Variants in COL25A1 observed in about 807,000 individuals in gnomAD.
COL25A1 encodes the protein collagen type XXV alpha 1 chain, also known as collagen alpha-1(XXV) chain.
In COL25A1, 103 loss-of-function variants were observed where a neutral mutation model predicts 128.4. The ratio of observed to expected loss-of-function variants is 0.80; its 90% CI spans 0.68 to 0.94. COL25A1 has a LOEUF of 0.94. COL25A1 is among the 40% of genes least tolerant of loss of function. The pLI is 0.00. For missense variants in COL25A1, 745 were observed against 840.0 expected (o/e 0.89, Z 1.40); for synonymous variants, 279 against 277.2 (o/e 1.01, Z -0.06).
chr4:109,095,290 A>G (rs1420001850), intron 3 of COL25A1, among the ~76,000 whole-genome samples: 1 of 152,258 alleles, frequency 6.6e-6, no homozygotes, highest in Non-Finnish European at 1.5e-5. Flanking sequence ...TCAGAACACC[A>G]AAGACACTCA....
chr4:109,253,889 C>T (rs1388869461), intron 3 of COL25A1, among the ~76,000 whole-genome samples: 1 of 152,152 alleles, frequency 6.6e-6, no homozygotes, highest in East Asian at 1.9e-4. Context: ...AGATTGAGAC[C>T]ATCCTGGCTA....
chr4:109,022,850 T>C (rs1757897824), intron 5 of COL25A1, among the ~76,000 whole-genome samples: 1 of 152,180 alleles, frequency 6.6e-6, no homozygotes, highest in South Asian at 2.1e-4. Flanking sequence ...AACACTGCTT[T>C]GGGGTGTTAC....
chr4:108,923,631 C>G (rs1745716503), intron 11 of COL25A1, among the ~76,000 whole-genome samples: 1 of 152,184 alleles, frequency 6.6e-6, no homozygotes, highest in East Asian at 1.9e-4. Flanking sequence ...CAAGTGTTAG[C>G]TACTACTCCT....
At chr4:109,023,475 C>T (rs780470729) in intron 5 of COL25A1, among the ~76,000 whole-genome samples, 1 of 152,298 alleles carries the variant, frequency 6.6e-6, no homozygotes, top group Non-Finnish European at 1.5e-5. Context: ...CTTAGGAAAT[C>T]ACTAGAATTG....
intron 6 of COL25A1, among the ~76,000 whole-genome samples, chr4:108,975,766 G>T (rs985667004): frequency 1.3e-5 from 2 of 152,084 alleles, no homozygotes; most frequent in Non-Finnish European, 2.9e-5. Context: ...TTAGTAAATT[G>T]AACTCCCTTT....
chr4:109,014,554 C>T (rs543031695), intron 5 of COL25A1, among the ~76,000 whole-genome samples: 13 of 152,174 alleles, frequency 8.5e-5, no homozygotes, highest in Non-Finnish European at 1.9e-4. Context: ...TGATATGGCA[C>T]AATGTGTGCA....
rs55997800 is a variant in COL25A1, at chr4:109,254,469, TTATATATATATATATATATATATA to T, written c.367+46090_367+46113del. On this transcript the variant is annotated intron_variant, in intron 3 of 37. Transcript: ENST00000399132. ...GTGCTATGTACATGTAGGCATATGT[TTATATATATATATATATATATATA>T]TATATATATATATGTATGTGTGTAT... Among the ~76,000 whole-genome samples the T allele has an allele frequency of 2.5e-3, 149 of 59,584 alleles. 6 individuals carry two copies. Among genetic ancestry groups the T allele is most frequent in the South Asian group, 0.012 (24 of 2,022 alleles). 39.1% of individuals were successfully genotyped at this position (59,584 alleles called of 152,430 possible).
At position 109,021,516 on chromosome 4, in the gene COL25A1, C is replaced by T. The variant is rs957395867; in HGVS notation, c.421-11141G>A. Among the ~76,000 whole-genome samples the T allele has an allele frequency of 6.6e-5, 10 of 152,088 alleles. No individual in the cohort carries two copies. The South Asian group carries it at 8.3e-4, about 13-fold the overall frequency. On this transcript the variant is annotated intron_variant, in intron 5 of 37. Transcript: ENST00000399132. ...AGGATCCTGTGATGACTGCATTAAC[C>T]GTACAAATTGATTGTAAAACATGTG...
chr4:109,100,977 C>T (rs1377280571), intron 3 of COL25A1, among the ~76,000 whole-genome samples: 1 of 152,168 alleles, frequency 6.6e-6, no homozygotes, highest in Non-Finnish European at 1.5e-5. Flanking sequence ...TAAAAGTTTA[C>T]TAGCTAGCTA....
intron 3 of COL25A1, among the ~76,000 whole-genome samples, chr4:109,142,792 C>T (rs1218574380): frequency 2.6e-5 from 4 of 151,930 alleles, no homozygotes. Context: ...TATTTTGAGC[C>T]TATGTGTGTC....
chr4:109,187,844 G>GAAAAATAAAATTAAATTAAAT (rs1775275818), intron 3 of COL25A1, among the ~76,000 whole-genome samples: 1 of 151,964 alleles, frequency 6.6e-6, no homozygotes, highest in African/African-American at 2.4e-5. Context: ...TGGTTTAAGG[G>GAAAAATAAAATTAAATTAAAT]AAAAATAAAA....
intron 3 of COL25A1, among the ~76,000 whole-genome samples, chr4:109,134,695 G>C (rs1448756331): frequency 2.0e-5 from 3 of 152,094 alleles, no homozygotes; most frequent in African/African-American, 7.2e-5. Context: ...ATTATTGTAT[G>C]AACTAGATGG....
In COL25A1 at chr4:108,995,659, C is replaced by A. The variant is rs957374249; in HGVS notation, c.438+14699G>T. ...CTCGAGAAGAGCAACTCCAAGACAC[C>A]TAATTGTCAGATTCACCAAGGTTGA... On this transcript the variant is annotated intron_variant, in intron 6 of 37. Transcript: ENST00000399132. Among the ~76,000 whole-genome samples the A allele has an allele frequency of 2.6e-5, 4 of 152,034 alleles. No individual in the cohort carries two copies. In the South Asian group the frequency reaches 6.2e-4, roughly 24 times the overall value.
chr4:108,925,275 G>A (rs1745913613), intron 11 of COL25A1, among the ~76,000 whole-genome samples: 1 of 151,996 alleles, frequency 6.6e-6, no homozygotes, highest in Non-Finnish European at 1.5e-5. Flanking sequence ...ATAAAATTGT[G>A]TCAGGTGGTA....
At chr4:109,046,693 C>T (rs1239194736) in intron 5 of COL25A1, among the ~76,000 whole-genome samples, 1 of 152,146 alleles carries the variant, frequency 6.6e-6, no homozygotes, top group Non-Finnish European at 1.5e-5. Context: ...CATCCTTGAA[C>T]GTGGCAGGAA....
rs1466338853 is a variant in COL25A1 at position 109,197,267 on chromosome 4, A to C, written c.367+103316T>G. ...TTTGAGCCCAGGAGGCCAAAGGTGC[A>C]GTGAGCTATGATCACACCACTGCAC... On this transcript the variant is annotated intron_variant, in intron 3 of 37. Coordinates refer to ENST00000399132, the MANE Select transcript of COL25A1 (RefSeq NM_198721.4). Among the ~76,000 whole-genome samples, 3 of 147,822 alleles carry C rather than the reference A, an allele frequency of 2.0e-5. No individual in the cohort carries two copies. The Admixed American group carries it at 2.1e-4, about 10-fold the overall frequency.
At chr4:109,148,901 C>T (rs552114499) in intron 3 of COL25A1, among the ~76,000 whole-genome samples, 4 of 152,232 alleles carry the variant, frequency 2.6e-5, no homozygotes, top group African/African-American at 9.6e-5. Context: ...GAATCTTCTT[C>T]CTACCCACTT....
intron 6 of COL25A1, among the ~76,000 whole-genome samples, chr4:108,994,357 C>T (rs751641841): frequency 7.9e-5 from 12 of 152,332 alleles, no homozygotes; most frequent in South Asian, 2.1e-4. Flanking sequence ...TCACTGCTAG[C>T]GCAGAAGTCT....
chr4:108,923,996 C>T lies in COL25A1; in HGVS notation c.709-3392G>A, dbSNP rs544042175. 2.1e-3 allele frequency among the ~76,000 whole-genome samples: 322 copies of T among 152,130 alleles called. 1 individual carries two copies. Among genetic ancestry groups the T allele is most frequent in the South Asian group, 6.2e-3 (30 of 4,820 alleles). ...TTCAACATAATTTCTTTGCATATAT[C>T]TCAAGATTAAAAACTGTAACATACA... On this transcript the variant is annotated intron_variant, in intron 11 of 37. Transcript: ENST00000399132.
Sources: allele counts gnomAD v4.1 joint callset (sites outside exome capture counted in the v4.1 genomes callset), GRCh38; gene constraint gnomAD v4.1.1; transcripts MANE v1.5; gene names NCBI Gene and HGNC (gene_info 2026-07-23, HGNC 2026-07-21).